DYSF: variants seen among roughly 807,000 people sequenced by gnomAD.
DYSF encodes dystrophy-associated fer-1-like 1.
DYSF carries 212 observed loss-of-function variants against 274.9 expected under a neutral mutation model. That is an observed-to-expected ratio of 0.77 (90% CI 0.69 to 0.86). The LOEUF (loss-of-function observed/expected upper bound fraction) is 0.86, where lower values mean the gene tolerates loss of function less well. Ranked by LOEUF, DYSF falls within the 40% of genes least tolerant of loss-of-function variation. The pLI is 0.00. For missense variants in DYSF, 2,666 were observed against 2,783.2 expected, an observed-to-expected ratio of 0.96 and a Z score of 0.95; for synonymous variants, 1,091 against 1,078.7, an observed-to-expected ratio of 1.01 and a Z score of -0.22.
At position 71,553,307 on chromosome 2, in the gene DYSF, C is replaced by T. The variant is rs573903505; in HGVS notation, c.1984+119C>T. On this transcript the variant is annotated intron_variant, in intron 20 of 55. Coordinates refer to ENST00000410020, the MANE Select transcript of DYSF (RefSeq NM_001130987.2). ...TCTACTCAAAGGCCCTGGTCCTGGC[C>T]CTGGCAAACCTGTTCCAGCTGTCCC... 3.5e-6 allele frequency: 5 copies of T among 1,418,422 alleles called. No homozygotes were observed. In the East Asian group the frequency reaches 1.2e-4, roughly 34 times the overall value. 87.9% of individuals were successfully genotyped at this position (1,418,422 alleles called of 1,614,324 possible). A position where few individuals can be genotyped will look rare whatever the true frequency, so the allele number is the denominator to read the frequency against.
At chr2:71,496,813 A>G (rs1188962141) in intron 3 of DYSF, among the ~76,000 whole-genome samples, 1 of 152,200 alleles carries the variant, frequency 6.6e-6, no homozygotes, top group African/African-American at 2.4e-5. Flanking sequence ...AGTTTGGCAT[A>G]AGATTAAAAA....
At chr2:71,513,448 C>T (rs2086314670) in intron 6 of DYSF, 116 bp downstream of exon 6, 4 of 1,142,812 alleles carry the variant, frequency 3.5e-6, no homozygotes, top group Non-Finnish European at 3.8e-6. Context: ...TCCTGCAGGA[C>T]TTGGCGGGTG....
intron 3 of DYSF, among the ~76,000 whole-genome samples, chr2:71,488,160 A>G (rs1477896705): frequency 6.6e-6 from 1 of 152,222 alleles, no homozygotes. Flanking sequence ...AAATTTAAGC[A>G]GGGATTAATT....
chr2:71,542,408 G>T (rs1270708766), intron 17 of DYSF, among the ~76,000 whole-genome samples: 1 of 150,838 alleles, frequency 6.6e-6, no homozygotes, highest in Non-Finnish European at 1.5e-5. Context: ...TCATTCTTGG[G>T]TGTTTCTCGC....
intron 36 of DYSF, among the ~76,000 whole-genome samples, chr2:71,607,051 A>G (rs748683329): frequency 6.6e-6 from 1 of 152,214 alleles, no homozygotes; most frequent in South Asian, 2.1e-4. Context: ...TTAACCAAGG[A>G]CACAATCAAA....
At chr2:71,581,924 C>T (rs527775184) in intron 30 of DYSF, among the ~76,000 whole-genome samples, 72 of 152,142 alleles carry the variant, frequency 4.7e-4, no homozygotes, top group African/African-American at 1.6e-3. Context: ...AGGCAGATCA[C>T]CTGAGGTCAG....
chr2:71,586,702 C>G (rs1036047831), intron 30 of DYSF, among the ~76,000 whole-genome samples: 2 of 151,942 alleles, frequency 1.3e-5, no homozygotes, highest in Admixed American at 6.5e-5. Flanking sequence ...GTGAGGGGGG[C>G]CATCTAGAGG....
At chr2:71,561,463 C>T (rs960894778) in intron 22 of DYSF, among the ~76,000 whole-genome samples, 1 of 152,174 alleles carries the variant, frequency 6.6e-6, no homozygotes, top group African/African-American at 2.4e-5. Flanking sequence ...AAAGAACTCA[C>T]TGGACTGGAG....
chr2:71,587,717 T>C (rs1035205217), intron 30 of DYSF, among the ~76,000 whole-genome samples: 1 of 152,142 alleles, frequency 6.6e-6, no homozygotes. Flanking sequence ...ACACAGCCAG[T>C]AGTAAACAGC....
chr2:71,579,066 C>T (rs1449785043), intron 30 of DYSF, among the ~76,000 whole-genome samples: 13 of 152,200 alleles, frequency 8.5e-5, no homozygotes, highest in Non-Finnish European at 1.3e-4. Context: ...GCTATTATAG[C>T]GCGTTCCATC....
intron 1 of DYSF, among the ~76,000 whole-genome samples, chr2:71,470,645 G>A (rs2081941667): frequency 7.4e-6 from 1 of 135,982 alleles, no homozygotes; most frequent in South Asian, 2.4e-4. Context: ...CTGCACTCCA[G>A]CCTGGGTGAC....
chr2:71,664,467 T>C, intron 46 of DYSF, 29 bp downstream of exon 46: 1 of 1,612,790 alleles, frequency 6.2e-7, no homozygotes, highest in Non-Finnish European at 8.5e-7. Flanking sequence ...GCTGCCTGCT[T>C]CTCTGACAAC....
At position 71,669,544 on chromosome 2, in the gene DYSF, G is replaced by A. The variant is rs553717885; in HGVS notation, c.5643-61G>A. The A allele has an allele frequency of 5.0e-5, 80 of 1,602,784 alleles. 1 individual carries two copies. The highest frequency in any genetic ancestry group is 2.3e-4 in the African/African-American group (17 of 74,746). On this transcript the variant is annotated intron_variant, in intron 50 of 55. Transcript: ENST00000410020. ...TAACTCCTTGTCTGCCTAAGTTGAC[G>A]ATGTATATACTGTGTTGGAAATCTT... is the stretch of plus-strand genomic sequence containing the variant.
intron 1 of DYSF, chr2:71,454,138 GA>G: frequency 6.4e-7 from 1 of 1,556,838 alleles, no homozygotes; most frequent in South Asian, 1.1e-5. Flanking sequence ...TAGAGGAGGG[GA>G]CGCCGCGGCT....
In DYSF at chr2:71,570,673, A is replaced by G. The variant is rs550721009; in HGVS notation, c.3160A>G (p.Thr1054Ala). The change falls in exon 29 of 56, where the codon ACA (threonine) becomes GCA (alanine). Residue 1054 changes from threonine to alanine, a missense_variant. This residue lies in a region of DYSF where 1,460 missense variants were observed against 1,502.1 expected (regional missense o/e 0.97). Transcript: ENST00000410020. ...HWVPAEKMYYTHRRRRWVRLR... is the reference protein window; with the variant it reads ...HWVPAEKMYYAHRRRRWVRLR... ...GGTCCCTGCTGAGAAGATGTACTAC[A>G]CACACCGACGGCGGCGCTGGGTGCG... The G allele has an allele frequency of 1.1e-5, 17 of 1,614,092 alleles. 1 individual carries two copies. The South Asian group carries it at 1.9e-4, about 18-fold the overall frequency.
intron 26 of DYSF, 44 bp downstream of exon 26, chr2:71,568,382 G>A: frequency 6.2e-7 from 1 of 1,608,332 alleles, no homozygotes; most frequent in Admixed American, 1.7e-5. Context: ...AGGCCAGGCT[G>A]CCCACCATGG....
At chr2:71,478,901 T>C (rs548113962) in intron 1 of DYSF, among the ~76,000 whole-genome samples, 60 of 152,184 alleles carry the variant, frequency 3.9e-4, no homozygotes, top group Middle Eastern at 3.4e-3. Context: ...GATCCCTCTC[T>C]GCTTCCCTCC....
rs370498369 is a variant in DYSF at position 71,511,790 on chromosome 2, C to G, written c.346-17C>G. ...GGCCAGCGCACCAACCTGTCCCCCA[C>G]GTCTCATCTCTTCCAGGCCTCGCTG... On this transcript the variant is annotated splice_polypyrimidine_tract_variant and intron_variant, in intron 4 of 55. Transcript: ENST00000410020. 1.3e-6 allele frequency: 2 copies of G among 1,496,424 alleles called. No individual in the cohort carries two copies. Among genetic ancestry groups the G allele is most frequent in the African/African-American group, 2.8e-5 (2 of 71,940 alleles). The allele number at this position is 1,496,424 out of a possible 1,614,324, so 92.7% of individuals were successfully genotyped here. A position where few individuals can be genotyped will look rare whatever the true frequency, so the allele number is the denominator to read the frequency against.
chr2:71,535,669 T>G (rs6725149), intron 16 of DYSF, among the ~76,000 whole-genome samples: 101,301 of 151,660 alleles, frequency 0.67, 34,592 homozygotes, highest in Middle Eastern at 0.77. Flanking sequence ...AAGGGAAGGG[T>G]CTGAAAAGAG....
Sources: gnomAD v4.1 joint callset for allele counts (sites outside exome capture counted in the v4.1 genomes callset) on GRCh38, gnomAD v4.1.1 for gene constraint, gnomAD v4.1.1 regional missense constraint, MANE v1.5 for transcripts, NCBI Gene and HGNC (gene_info 2026-07-23, HGNC 2026-07-21) for gene names.